MSRA: variants seen among roughly 807,000 people sequenced by gnomAD.
MSRA encodes methionine sulfoxide reductase A.
In MSRA, 54 loss-of-function variants were observed where a neutral mutation model predicts 31.3. The observed-to-expected ratio is 1.73, with a 90% CI of 1.39 to 2.17. The LOEUF (loss-of-function observed/expected upper bound fraction) is 2.17, where lower values mean the gene tolerates loss of function less well. Among genes scored for constraint, MSRA ranks in the 30% most tolerant of loss-of-function variants. The pLI, the probability that MSRA is intolerant of heterozygous loss-of-function variation, is 0.00. For missense variants in MSRA, 507 were observed against 300.9 expected, an observed-to-expected ratio of 1.69 and a Z score of -5.07; for synonymous variants, 169 against 116.5, an observed-to-expected ratio of 1.45 and a Z score of -2.90.
chr8:10,303,773 G>C (rs577400204), intron 4 of MSRA, among the ~76,000 whole-genome samples: 8 of 152,300 alleles, frequency 5.3e-5, no homozygotes, highest in East Asian at 1.9e-4. Context: ...GAGATCCTCC[G>C]TCAGGAACCT....
intron 2 of MSRA, among the ~76,000 whole-genome samples, chr8:10,236,239 G>T (rs574959208): frequency 1.3e-5 from 2 of 152,284 alleles, no homozygotes; most frequent in South Asian, 4.1e-4. Flanking sequence ...ATTCAGCATT[G>T]TATGGAAGGT....
intron 2 of MSRA, among the ~76,000 whole-genome samples, chr8:10,231,748 C>A (rs1811491170): frequency 6.6e-6 from 1 of 151,882 alleles, no homozygotes; most frequent in African/African-American, 2.4e-5. Flanking sequence ...ACTCAGAATA[C>A]AAAAATTAGC....
At chr8:10,082,909 C>G (rs1373836054) in intron 1 of MSRA, among the ~76,000 whole-genome samples, 3 of 152,242 alleles carry the variant, frequency 2.0e-5, no homozygotes, top group Admixed American at 2.0e-4. Context: ...ATGTGCTCAG[C>G]ACGGTGCTAA....
At chr8:10,389,154 C>T (rs1195817378) in intron 5 of MSRA, among the ~76,000 whole-genome samples, 1 of 152,128 alleles carries the variant, frequency 6.6e-6, no homozygotes, top group East Asian at 1.9e-4. Flanking sequence ...CTCCTGGGCC[C>T]CAGCACAGGC....
At chr8:10,419,127 C>A (rs867569035) in intron 5 of MSRA, among the ~76,000 whole-genome samples, 2 of 152,284 alleles carry the variant, frequency 1.3e-5, no homozygotes, top group East Asian at 1.9e-4. Context: ...TAGAGCCAGC[C>A]CCCTCCACTC....
At chr8:10,066,108 C>T (rs901485054) in intron 1 of MSRA, among the ~76,000 whole-genome samples, 5 of 151,898 alleles carry the variant, frequency 3.3e-5, no homozygotes, top group South Asian at 2.1e-4. Flanking sequence ...CTGCACCCTC[C>T]GTCTCCCGGA....
intron 5 of MSRA, among the ~76,000 whole-genome samples, chr8:10,321,218 A>C (rs1286006016): frequency 1.3e-5 from 2 of 152,144 alleles, no homozygotes; most frequent in African/African-American, 4.8e-5. Flanking sequence ...CTTGTATTTT[A>C]TTTATCATTA....
intron 5 of MSRA, among the ~76,000 whole-genome samples, chr8:10,415,519 A>T (rs1284828671): frequency 2.0e-5 from 3 of 152,152 alleles, no homozygotes. Context: ...GGGGGTGTGC[A>T]GCTGGGTCCC....
intron 1 of MSRA, among the ~76,000 whole-genome samples, chr8:10,190,376 G>A (rs550503249): frequency 4.6e-4 from 70 of 152,284 alleles, no homozygotes; most frequent in East Asian, 2.3e-3. Flanking sequence ...CAGCATCCCC[G>A]CAGATGATTC....
At chr8:10,385,956 G>T (rs894411942) in intron 5 of MSRA, among the ~76,000 whole-genome samples, 4 of 152,106 alleles carry the variant, frequency 2.6e-5, no homozygotes, top group East Asian at 1.9e-4. Flanking sequence ...GAAAGAAAAA[G>T]GTGGCTTTCT....
chr8:10,150,537 A>G (rs1803573178), intron 1 of MSRA, among the ~76,000 whole-genome samples: 2 of 152,222 alleles, frequency 1.3e-5, no homozygotes, highest in Non-Finnish European at 2.9e-5. Context: ...TTACTACACG[A>G]TAATTATGAC....
intron 1 of MSRA, among the ~76,000 whole-genome samples, chr8:10,207,337 C>T (rs1423639283): frequency 6.6e-6 from 1 of 152,182 alleles, no homozygotes. Context: ...TTGTACTGTA[C>T]TGAAATGACA....
intron 1 of MSRA, among the ~76,000 whole-genome samples, chr8:10,095,043 A>C (rs1341870669): frequency 2.6e-5 from 4 of 152,234 alleles, no homozygotes; most frequent in Non-Finnish European, 4.4e-5. Flanking sequence ...TTCATTCTCC[A>C]TAGGATAAAG....
intron 1 of MSRA, among the ~76,000 whole-genome samples, chr8:10,197,561 A>AGG (rs1808101409): frequency 6.6e-6 from 1 of 152,154 alleles, no homozygotes; most frequent in Non-Finnish European, 1.5e-5. Flanking sequence ...CACCACCAGT[A>AGG]AGCACTGTGC....
chr8:10,264,920 G>A (rs1212267894), intron 3 of MSRA, among the ~76,000 whole-genome samples: 1 of 152,146 alleles, frequency 6.6e-6, no homozygotes, highest in African/African-American at 2.4e-5. Flanking sequence ...TCTATGCGAT[G>A]AGAAGCTTGA....
chr8:10,204,178 G>C (rs78384264), intron 1 of MSRA, among the ~76,000 whole-genome samples: 539 of 152,174 alleles, frequency 3.5e-3, no homozygotes, highest in Middle Eastern at 0.01. Flanking sequence ...CAGTCGAAAA[G>C]TAAAAAATAG....
chr8:10,157,935 G>A (rs1004629546), intron 1 of MSRA, among the ~76,000 whole-genome samples: 1 of 152,154 alleles, frequency 6.6e-6, no homozygotes, highest in East Asian at 1.9e-4. Context: ...ATTCCATTGG[G>A]CTACTATAAC....
chr8:10,175,759 A>T (rs549943708), intron 1 of MSRA, among the ~76,000 whole-genome samples: 5 of 152,314 alleles, frequency 3.3e-5, no homozygotes, highest in African/African-American at 1.2e-4. Flanking sequence ...GTCACGGAGG[A>T]CCAAAGGGTC....
intron 5 of MSRA, among the ~76,000 whole-genome samples, chr8:10,415,462 C>T (rs1808400497): frequency 6.6e-6 from 1 of 152,138 alleles, no homozygotes; most frequent in Non-Finnish European, 1.5e-5. Flanking sequence ...CTTCAGTCTC[C>T]TGAAGTGGCC....
Sources: gnomAD v4.1 joint callset for allele counts (sites outside exome capture counted in the v4.1 genomes callset) on GRCh38, gnomAD v4.1.1 for gene constraint, MANE v1.5 for transcripts, NCBI Gene and HGNC (gene_info 2026-07-23, HGNC 2026-07-21) for gene names.